The following IL1RAPL1 variants were observed in gnomAD, a reference collection of about 807,000 sequenced individuals.
IL1RAPL1 encodes the protein interleukin-1 receptor accessory protein-like 1.
IL1RAPL1 carries 3 observed loss-of-function variants against 48.4 expected under a neutral mutation model. The observed-to-expected ratio is 0.06, with a 90% CI of 0.03 to 0.16. IL1RAPL1 has a LOEUF of 0.16. Among genes scored for constraint, IL1RAPL1 ranks in the 10% least tolerant of loss-of-function variants. The pLI is 1.00. For missense variants in IL1RAPL1, 349 were observed against 530.6 expected, an observed-to-expected ratio of 0.66 and a Z score of 3.36; for synonymous variants, 185 against 187.7, an observed-to-expected ratio of 0.99 and a Z score of 0.12.
At chrX:28,640,540 G>A (rs1934523884) in intron 1 of IL1RAPL1, among the ~76,000 whole-genome samples, 1 of 108,366 alleles carries the variant, frequency 9.2e-6, no homozygotes, top group Admixed American at 9.9e-5. Flanking sequence ...TAGTAGAGAT[G>A]AGGTGTCAAC....
At chrX:29,480,550 A>G (rs968580235) in intron 5 of IL1RAPL1, among the ~76,000 whole-genome samples, 12 of 110,450 alleles carry the variant, frequency 1.1e-4, no homozygotes, top group African/African-American at 3.9e-4. Context: ...TTTCATTGAT[A>G]TAGTTTCAAC....
chrX:29,205,640 T>C (rs1444954904), intron 2 of IL1RAPL1, among the ~76,000 whole-genome samples: 1 of 111,914 alleles, frequency 8.9e-6, no homozygotes, highest in African/African-American at 3.2e-5. Flanking sequence ...AAAGTAACTG[T>C]GAGGATTAAA....
At chrX:28,627,428 G>T (rs185056120) in intron 1 of IL1RAPL1, among the ~76,000 whole-genome samples, 1 of 111,658 alleles carries the variant, frequency 9.0e-6, no homozygotes, top group East Asian at 2.8e-4. Flanking sequence ...AGCTCTCACT[G>T]CTTAGGAAGC....
chrX:29,839,454 C>T (rs5973147), intron 6 of IL1RAPL1, among the ~76,000 whole-genome samples: 21,644 of 111,909 alleles, frequency 0.19, 3,804 homozygotes, highest in African/African-American at 0.56. Context: ...TTCAGTTATC[C>T]GGCTAGTGAG....
intron 6 of IL1RAPL1, among the ~76,000 whole-genome samples, chrX:29,726,830 TAAAAA>T (rs915700011): frequency 9.1e-6 from 1 of 110,168 alleles, no homozygotes; most frequent in African/African-American, 3.3e-5. Flanking sequence ...AAAATAAAAA[TAAAAA>T]AAGAGAAGGG....
intron 5 of IL1RAPL1, among the ~76,000 whole-genome samples, chrX:29,527,978 T>G (rs757439911): frequency 8.9e-6 from 1 of 112,099 alleles, no homozygotes; most frequent in South Asian, 3.7e-4. Context: ...ACCCATCAGA[T>G]TGGCAATAAT....
chrX:28,964,744 G>A (rs1924878378), intron 2 of IL1RAPL1, among the ~76,000 whole-genome samples: 1 of 111,191 alleles, frequency 9.0e-6, no homozygotes, highest in Non-Finnish European at 1.9e-5. Context: ...ATCTCAAAAT[G>A]TTCTCCTTTT....
rs187251849 is a variant in IL1RAPL1, at chrX:28,899,844, T to C, written c.82+110419T>C. ...AGAGAGTTGTGGGCTGGCCAGAAAC[T>C]GAATGCTTTTCTACAGATGTACAAT... On this transcript the variant is annotated intron_variant, in intron 2 of 10. Transcript: ENST00000378993. Among the ~76,000 whole-genome samples, 441 of 111,560 alleles carry C rather than the reference T, an allele frequency of 4.0e-3. 4 individuals carry two copies. Among genetic ancestry groups the C allele is most frequent in the African/African-American group, 0.014 (417 of 30,696 alleles).
At chrX:29,768,734 C>T (rs1928973516) in intron 6 of IL1RAPL1, among the ~76,000 whole-genome samples, 1 of 111,628 alleles carries the variant, frequency 9.0e-6, no homozygotes, top group Non-Finnish European at 1.9e-5. Flanking sequence ...CTTAAAAAGT[C>T]TATACATTAT....
intron 5 of IL1RAPL1, among the ~76,000 whole-genome samples, chrX:29,627,807 G>A (rs1421891819): frequency 8.9e-6 from 1 of 112,158 alleles, no homozygotes. Flanking sequence ...GATACACTTA[G>A]GGGAGCAGCG....
chrX:29,619,087 T>G (rs1924381329), intron 5 of IL1RAPL1, among the ~76,000 whole-genome samples: 1 of 111,788 alleles, frequency 8.9e-6, no homozygotes, highest in Admixed American at 9.5e-5. Context: ...CCCTATTGAA[T>G]ATTTAAAATG....
chrX:29,306,579 A>G (rs1932626407), intron 3 of IL1RAPL1, among the ~76,000 whole-genome samples: 1 of 94,486 alleles, frequency 1.1e-5, no homozygotes, highest in African/African-American at 3.9e-5. Flanking sequence ...TAGTTTATTT[A>G]TGGCCAGGCG....
rs757018802 is a variant in IL1RAPL1 at position 29,601,699 on chromosome X, T to G, written c.704-66731T>G. Among the ~76,000 whole-genome samples the G allele has an allele frequency of 6.4e-4, 72 of 112,518 alleles. 1 individual carries two copies. The highest frequency in any genetic ancestry group is 1.2e-3 in the Non-Finnish European group (64 of 53,283). On this transcript the variant is annotated intron_variant, in intron 5 of 10. Coordinates refer to ENST00000378993, the MANE Select transcript of IL1RAPL1 (RefSeq NM_014271.4). ...TTAAAAAAATGAGACATGCTTTGAT[T>G]AAAGTAAAAGAATATAGAATGCTTC...
At chrX:28,842,074 C>A (rs1460497830) in intron 2 of IL1RAPL1, among the ~76,000 whole-genome samples, 2 of 110,061 alleles carry the variant, frequency 1.8e-5, no homozygotes, top group African/African-American at 6.6e-5. Flanking sequence ...TAGTGGCTTA[C>A]CCTGGTTTGT....
intron 6 of IL1RAPL1, among the ~76,000 whole-genome samples, chrX:29,830,704 C>T (rs1930855906): frequency 9.0e-6 from 1 of 110,922 alleles, no homozygotes; most frequent in Non-Finnish European, 1.9e-5. Context: ...CCACCCATCT[C>T]GGCCTCCCAA....
intron 5 of IL1RAPL1, among the ~76,000 whole-genome samples, chrX:29,532,039 G>T (rs970538939): frequency 4.9e-4 from 55 of 111,364 alleles, no homozygotes; most frequent in African/African-American, 1.6e-3. Flanking sequence ...GGAGAGGGGG[G>T]GCGCATAATT....
chrX:28,736,303 G>A (rs750808146), intron 1 of IL1RAPL1, among the ~76,000 whole-genome samples: 16 of 109,733 alleles, frequency 1.5e-4, no homozygotes, highest in East Asian at 2.9e-4. Context: ...GCGTGGTGGC[G>A]GGCACCTGTA....
chrX:29,202,559 G>A (rs756203644), intron 2 of IL1RAPL1, among the ~76,000 whole-genome samples: 4 of 111,670 alleles, frequency 3.6e-5, no homozygotes, highest in Non-Finnish European at 7.5e-5. Flanking sequence ...ACACACATGC[G>A]TATGTTCACC....
chrX:28,874,130 G>C (rs971208697), intron 2 of IL1RAPL1, among the ~76,000 whole-genome samples: 1 of 111,413 alleles, frequency 9.0e-6, no homozygotes, highest in Non-Finnish European at 1.9e-5. Flanking sequence ...ATTGTGTTTT[G>C]CAGTGTCTGA....
Sources: allele counts gnomAD v4.1 joint callset (sites outside exome capture counted in the v4.1 genomes callset), GRCh38; gene constraint gnomAD v4.1.1; transcripts MANE v1.5; gene names NCBI Gene and HGNC (gene_info 2026-07-23, HGNC 2026-07-21).